The following ZNF638 variants were observed in gnomAD, a reference collection of about 807,000 sequenced individuals.
ZNF638 encodes zinc finger protein 638, also known as CTCL tumor antigen se33-1.
Under a neutral mutation model 195.6 loss-of-function variants are expected in ZNF638, and 46 were observed. That is an observed-to-expected ratio of 0.24 (90% CI 0.19 to 0.30). The LOEUF is 0.30. ZNF638 is among the 10% of genes least tolerant of loss of function. The pLI is 1.00. For missense variants in ZNF638, 2,440 were observed against 2,325.3 expected (o/e 1.05, Z -1.01); for synonymous variants, 845 against 772.0 (o/e 1.09, Z -1.57).
At chr2:71,372,809 C>T (rs2079338313) in intron 8 of ZNF638, among the ~76,000 whole-genome samples, 1 of 152,214 alleles carries the variant, frequency 6.6e-6, no homozygotes, top group African/African-American at 2.4e-5. Flanking sequence ...ACACACATTT[C>T]TCAATAATTT....
Position 71,427,092 on chromosome 2 carries a change from T to C in ZNF638, c.5223T>C (p.Asp1741=), listed in dbSNP as rs767134032. 2 of 1,614,076 alleles carry C rather than the reference T, an allele frequency of 1.2e-6. No homozygotes were observed. Among genetic ancestry groups the C allele is most frequent in the Non-Finnish European group, 8.5e-7 (1 of 1,180,028 alleles). The part of the protein sequence containing the change: ...STLVTVDEIQ[D]DSSDLHLVTL... ...TAGTTACTGTAGATGAAATACAAGA[T>C]GACAGCAGTGATTTGCATTTAGTGA... The change falls in exon 24 of 28, where the codon GAT becomes GAC. Residue 1741 remains aspartate (D), a synonymous_variant. Transcript: ENST00000264447.
intron 10 of ZNF638, among the ~76,000 whole-genome samples, chr2:71,387,858 G>A (rs2542527): frequency 0.84 from 128,194 of 152,116 alleles, 54,524 homozygotes; most frequent in African/African-American, 0.89. Context: ...AGTGACTTTA[G>A]AAAATTGTTA....
rs753113993 is a variant in ZNF638, at chr2:71,406,253, T to C, written c.3126T>C (p.Asn1042=). The part of the protein sequence containing the change: ...GKVDHHVFIS[N]RNKAILQLDS... ...TGGATCACCATGTATTCATAAGTAA[T>C]AGAAACAAGGTAACAAGTTCCCTCA... The change falls in exon 19 of 28, where the codon AAT becomes AAC. Residue 1042 remains asparagine (N), a synonymous_variant. Coordinates refer to ENST00000264447, the MANE Select transcript of ZNF638 (RefSeq NM_014497.5). The C allele has an allele frequency of 2.5e-6, 4 of 1,611,516 alleles. No homozygotes were observed. In the African/African-American group the frequency reaches 5.3e-5, roughly 22 times the overall value.
At chr2:71,424,470 A>G (rs1165645194) in intron 22 of ZNF638, among the ~76,000 whole-genome samples, 180 bp from the exon 23 acceptor site, 4 of 152,178 alleles carry the variant, frequency 2.6e-5, no homozygotes, top group Non-Finnish European at 4.4e-5. Context: ...ACTTGTACAG[A>G]CTGTGCCTAT....
chr2:71,339,963 A>T (rs2104106395), intron 1 of ZNF638, among the ~76,000 whole-genome samples: 1 of 152,338 alleles, frequency 6.6e-6, no homozygotes, highest in Non-Finnish European at 1.5e-5. Context: ...GCTCCTAAGA[A>T]ATAAAAAGGT....
intron 9 of ZNF638, 35 bp downstream of exon 9, chr2:71,380,315 A>G: frequency 7.0e-7 from 1 of 1,436,574 alleles, no homozygotes; most frequent in Non-Finnish European, 9.5e-7. Flanking sequence ...GTGAGAATGA[A>G]ATGTGCATAT....
intron 20 of ZNF638, among the ~76,000 whole-genome samples, chr2:71,417,176 G>T (rs2080314463): frequency 1.3e-5 from 2 of 151,704 alleles, no homozygotes; most frequent in African/African-American, 4.8e-5. Flanking sequence ...ATATAGTCTC[G>T]TGGTGTGCCG....
At chr2:71,418,833 T>C (rs1448707872) in intron 21 of ZNF638, among the ~76,000 whole-genome samples, 194 bp downstream of exon 21, 4 of 152,214 alleles carry the variant, frequency 2.6e-5, no homozygotes, top group Non-Finnish European at 5.9e-5. Context: ...GCTTTTTATT[T>C]ACTCTCATTT....
At chr2:71,407,175 G>A (rs186632625) in intron 19 of ZNF638, 6 of 152,080 alleles carry the variant, frequency 3.9e-5, no homozygotes, top group African/African-American at 1.4e-4. Context: ...ACATAAAAGT[G>A]GACAATATTC....
chr2:71,434,606 G>A (rs2080730205), intron 27 of ZNF638, 136 bp from the exon 28 acceptor site: 1 of 679,458 alleles, frequency 1.5e-6, no homozygotes, highest in East Asian at 2.9e-5. Context: ...AGGAAGAAAT[G>A]GTTATATAAG....
chr2:71,333,336 A>G (rs1292096141), intron 1 of ZNF638, among the ~76,000 whole-genome samples: 1 of 152,216 alleles, frequency 6.6e-6, no homozygotes, highest in East Asian at 1.9e-4. Flanking sequence ...TTGTCTTGGA[A>G]CCAAGAAAGG....
chr2:71,400,079 TACTAG>T, intron 13 of ZNF638, 28 bp from the exon 14 acceptor site: 1 of 1,532,210 alleles, frequency 6.5e-7, no homozygotes, highest in South Asian at 1.2e-5. Context: ...ATTAGTGTTT[TACTAG>T]ACTATTAAAG....
rs773897416 is a variant in ZNF638, at chr2:71,434,800, C to G, written c.5930C>G (p.Ser1977Cys). 1 of 1,604,758 alleles carries G rather than the reference C, an allele frequency of 6.2e-7. No individual in the cohort carries two copies. Among genetic ancestry groups the G allele is most frequent in the Admixed American group, 1.7e-5 (1 of 57,908 alleles). ...KEQNEAEERSSR is the reference protein window; with the variant it reads ...KEQNEAEERSCR The stretch of plus-strand genomic sequence containing the variant: ...CAGAATGAGGCTGAAGAAAGAAGCT[C>G]TAGGTGATTGGGGGAAAGGAAAGAA... Residue 1977 changes from serine (S) to cysteine (C), a missense_variant, in exon 28 of 28, where the codon TCT becomes TGT. This residue lies in a region of ZNF638 where 1,883 missense variants were observed against 1,739.1 expected (regional missense o/e 1.08). Coordinates refer to ENST00000264447, the MANE Select transcript of ZNF638 (RefSeq NM_014497.5).
At chr2:71,433,095 G>T in intron 26 of ZNF638, 70 bp from the exon 27 acceptor site, 2 of 1,224,114 alleles carry the variant, frequency 1.6e-6, no homozygotes, top group East Asian at 2.3e-5. Flanking sequence ...TCAAATAAAT[G>T]AATAAATCGA....
Position 71,349,032 on chromosome 2 carries a change from G to A in ZNF638, c.78G>A (p.Arg26=), listed in dbSNP as rs1179855532. The A allele has an allele frequency of 6.2e-7, 1 of 1,614,030 alleles. No individual in the cohort carries two copies. The highest frequency in any genetic ancestry group is 8.5e-7 in the Non-Finnish European group (1 of 1,180,032). Residue 26 remains arginine (R), a synonymous_variant, in exon 2 of 28, where the codon AGG becomes AGA. Transcript: ENST00000264447. ...RPRAPNPSGM[R]PPGPFMRPGS... Reference sequence around the variant, plus strand: ...GAGCACCTAACCCTTCTGGGATGAGGCCTCCAGGACCATTTATGAGGCCTG... The same window carrying A: ...GAGCACCTAACCCTTCTGGGATGAGACCTCCAGGACCATTTATGAGGCCTG...
chr2:71,390,958 A>G (rs2079762529), intron 10 of ZNF638, among the ~76,000 whole-genome samples: 1 of 152,210 alleles, frequency 6.6e-6, no homozygotes, highest in Non-Finnish European at 1.5e-5. Context: ...CCCCTTTCTA[A>G]TAATGGCCAC....
At chr2:71,424,592 A>C (rs1306290204) in intron 22 of ZNF638, 58 bp from the exon 23 acceptor site, 2 of 1,402,178 alleles carry the variant, frequency 1.4e-6, no homozygotes, top group Admixed American at 2.2e-5. Context: ...TTTTTTCCAG[A>C]ACATTAATAA....
At chr2:71,403,284 C>CAACT (rs1430297332) in intron 16 of ZNF638, among the ~76,000 whole-genome samples, 1 of 152,134 alleles carries the variant, frequency 6.6e-6, no homozygotes, top group African/African-American at 2.4e-5. Flanking sequence ...AATAGGCTTA[C>CAACT]AACTGTAAGC....
In ZNF638 at chr2:71,401,960, CAGA is replaced by C. The variant is rs2080016150; in HGVS notation, c.2707_2709del (p.Glu903del). ...TTTTAAAAATTTGTTTTGAAGGAAACAGAAGAAATGTGTGTGATGCTTGTCTCT... is the reference window on the plus strand; with the variant it reads ...TTTTAAAAATTTGTTTTGAAGGAAACAGAAATGTGTGTGATGCTTGTCTCT... On this transcript the variant is annotated inframe_deletion, in exon 16 of 28. Coordinates refer to ENST00000264447, the MANE Select transcript of ZNF638 (RefSeq NM_014497.5). 1.3e-6 allele frequency: 2 copies of C among 1,559,226 alleles called. No homozygotes were observed. The highest frequency in any genetic ancestry group is 4.1e-5 in the Admixed American group (2 of 48,740).
Sources: gnomAD v4.1 joint callset for allele counts (sites outside exome capture counted in the v4.1 genomes callset) on GRCh38, gnomAD v4.1.1 for gene constraint, gnomAD v4.1.1 regional missense constraint, MANE v1.5 for transcripts, NCBI Gene and HGNC (gene_info 2026-07-23, HGNC 2026-07-21) for gene names.